Variants in DOCK10 observed in about 807,000 individuals in gnomAD.
DOCK10 encodes dedicator of cytokinesis 10.
Under a neutral mutation model 280.1 loss-of-function variants are expected in DOCK10, and 145 were observed. The observed-to-expected ratio is 0.52, with a 90% confidence interval of 0.45 to 0.59. The LOEUF is 0.59. Among genes scored for constraint, DOCK10 ranks in the 20% least tolerant of loss-of-function variants. The pLI is 0.00. For missense variants in DOCK10, 2,368 were observed against 2,651.7 expected, an observed-to-expected ratio of 0.89 and a Z score of 2.35; for synonymous variants, 915 against 942.2, an observed-to-expected ratio of 0.97 and a Z score of 0.53.
At chr2:224,963,525 A>C (rs1372965048) in intron 1 of DOCK10, among the ~76,000 whole-genome samples, 1 of 152,242 alleles carries the variant, frequency 6.6e-6, no homozygotes. Flanking sequence ...AGTAATCATT[A>C]CATTGCACCA....
intron 2 of DOCK10, among the ~76,000 whole-genome samples, chr2:224,929,490 T>G (rs954935046): frequency 1.3e-5 from 2 of 151,872 alleles, no homozygotes; most frequent in East Asian, 3.9e-4. Flanking sequence ...TGGGAGAGGG[T>G]AGGCTATGGC....
Position 224,794,936 on chromosome 2 carries a change from G to A in DOCK10, c.5097C>T (p.Arg1699=). 9.3e-6 allele frequency: 15 copies of A among 1,613,954 alleles called. No homozygotes were observed. The highest frequency in any genetic ancestry group is 1.3e-5 in the Non-Finnish European group (15 of 1,179,856). ...ANSYASTPEL[R]RTWLESMAKI... ...TGGCCATACTTTCCAGCCAGGTCCT[G>A]CGTAGTTCAGGAGTGCTTGCGTAGG... Residue 1699 remains arginine, a synonymous_variant, in exon 45 of 56, where the codon CGC becomes CGT. Transcript: ENST00000258390.
intron 31 of DOCK10, among the ~76,000 whole-genome samples, chr2:224,813,229 T>A (rs1000935004): frequency 6.6e-6 from 1 of 152,220 alleles, no homozygotes; most frequent in Non-Finnish European, 1.5e-5. Context: ...AGAGTCTCAC[T>A]GTGTTGTCCA....
rs974726299 is a variant in DOCK10, at chr2:224,795,187, A to G, written c.4939-93T>C. The G allele has an allele frequency of 9.2e-6, 10 of 1,092,414 alleles. No individual in the cohort carries two copies. The Admixed American group carries it at 2.1e-4, about 23-fold the overall frequency. 67.7% of individuals were successfully genotyped at this position (1,092,414 alleles called of 1,614,324 possible). On this transcript the variant is annotated intron_variant, in intron 44 of 55. Transcript: ENST00000258390. The stretch of plus-strand genomic sequence containing the variant: ...GCTATTAATTATGGCTACGCATCAC[A>G]GTTTGGAGCATTCTATATATAGTTA...
At chr2:224,894,122 T>C (rs1157225256) in intron 4 of DOCK10, among the ~76,000 whole-genome samples, 1 of 152,256 alleles carries the variant, frequency 6.6e-6, no homozygotes, top group Non-Finnish European at 1.5e-5. Context: ...TTTCTTTAGT[T>C]AAAGTAAGGG....
chr2:224,933,496 C>T (rs539078855), intron 1 of DOCK10, among the ~76,000 whole-genome samples: 1 of 152,326 alleles, frequency 6.6e-6, no homozygotes, highest in East Asian at 1.9e-4. Context: ...CAACTGCCCC[C>T]ACAGGCCTTC....
chr2:224,820,617 C>G (rs1002379271), intron 28 of DOCK10, among the ~76,000 whole-genome samples: 1 of 152,234 alleles, frequency 6.6e-6, no homozygotes, highest in African/African-American at 2.4e-5. Context: ...CTCAATTTTA[C>G]TCACAGACAG....
In DOCK10 at chr2:224,917,939, C is replaced by G. The variant is rs867733164; in HGVS notation, c.244-1155G>C. Among the ~76,000 whole-genome samples, 5 of 152,264 alleles carry G rather than the reference C, an allele frequency of 3.3e-5. 1 individual carries two copies. In the Middle Eastern group the frequency reaches 0.014, roughly 414 times the overall value. ...CCAACAGCTGAGATCTCGTATATTG[C>G]ACATCCCCCAAATCACAGCTATTCA... On this transcript the variant is annotated intron_variant, in intron 2 of 55. Coordinates refer to ENST00000258390, the MANE Select transcript of DOCK10 (RefSeq NM_014689.3).
At chr2:224,960,665 G>C (rs948260581) in intron 1 of DOCK10, among the ~76,000 whole-genome samples, 1 of 148,788 alleles carries the variant, frequency 6.7e-6, no homozygotes. Flanking sequence ...GATAAAACTG[G>C]AAACTTGGTA....
chr2:224,831,855 G>C (rs1695261784), intron 26 of DOCK10, among the ~76,000 whole-genome samples: 1 of 152,146 alleles, frequency 6.6e-6, no homozygotes, highest in African/African-American at 2.4e-5. Flanking sequence ...AAGCAGGCCT[G>C]GAAATCCACC....
chr2:224,814,982 C>G (rs1694030633), intron 30 of DOCK10, among the ~76,000 whole-genome samples: 1 of 152,166 alleles, frequency 6.6e-6, no homozygotes, highest in Admixed American at 6.5e-5. Context: ...TCAGGCTTTT[C>G]TCTGAGCTAC....
chr2:224,829,771 G>C (rs1695100274), intron 27 of DOCK10, among the ~76,000 whole-genome samples: 1 of 152,122 alleles, frequency 6.6e-6, no homozygotes, highest in African/African-American at 2.4e-5. Flanking sequence ...AGAGTGAGAG[G>C]GATCTAGAAT....
At chr2:225,036,119 A>G (rs971084870) in intron 1 of DOCK10, among the ~76,000 whole-genome samples, 4 of 152,190 alleles carry the variant, frequency 2.6e-5, no homozygotes, top group Non-Finnish European at 5.9e-5. Flanking sequence ...TCACTCTGAA[A>G]CACATGTTTA....
rs934324403 is a variant in DOCK10, at chr2:224,905,400, A to C, written c.334-9023T>G. On this transcript the variant is annotated intron_variant, in intron 3 of 55. Transcript: ENST00000258390. Reference sequence around the variant, plus strand: ...GTAGCTGGGACTACAGGCGCCCGCCACCGCGCCCGGCTAATTTTTTTTGTA... The same window carrying C: ...GTAGCTGGGACTACAGGCGCCCGCCCCCGCGCCCGGCTAATTTTTTTTGTA... Among the ~76,000 whole-genome samples, 3 of 151,876 alleles carry C rather than the reference A, an allele frequency of 2.0e-5. 1 individual carries two copies. In the South Asian group the frequency reaches 6.2e-4, roughly 32 times the overall value.
chr2:224,992,828 T>G (rs1706164612), intron 1 of DOCK10, among the ~76,000 whole-genome samples: 1 of 152,222 alleles, frequency 6.6e-6, no homozygotes, highest in South Asian at 2.1e-4. Flanking sequence ...AGGGTTAGAA[T>G]AGATGCCATG....
chr2:224,804,446 CTTGT>C (rs1341800459), intron 38 of DOCK10, among the ~76,000 whole-genome samples: 2 of 139,268 alleles, frequency 1.4e-5, no homozygotes, highest in Non-Finnish European at 3.0e-5. Flanking sequence ...TTCCAGATTA[CTTGT>C]TTTTTTTTTT....
chr2:224,816,818 TA>T, intron 29 of DOCK10, 105 bp from the exon 30 acceptor site: 1 of 670,538 alleles, frequency 1.5e-6, no homozygotes, highest in Non-Finnish European at 2.6e-6. Context: ...AAAGAAAAAG[TA>T]GTTACCATAC....
chr2:224,950,351 A>T (rs548929333), intron 1 of DOCK10, among the ~76,000 whole-genome samples: 113 of 152,312 alleles, frequency 7.4e-4, no homozygotes, highest in African/African-American at 2.6e-3. Flanking sequence ...TTTTTATGGA[A>T]CCTATTTAAA....
At chr2:224,879,550 G>A (rs1198487866) in intron 7 of DOCK10, among the ~76,000 whole-genome samples, 1 of 152,130 alleles carries the variant, frequency 6.6e-6, no homozygotes, top group East Asian at 1.9e-4. Flanking sequence ...TTGAGGCCAG[G>A]AGTTTAAGAC....
Sources: allele counts gnomAD v4.1 joint callset (sites outside exome capture counted in the v4.1 genomes callset), GRCh38; gene constraint gnomAD v4.1.1; transcripts MANE v1.5; gene names NCBI Gene and HGNC (gene_info 2026-07-23, HGNC 2026-07-21).